FBXL17: variants seen among roughly 807,000 people sequenced by gnomAD.
FBXL17 encodes the protein F-box/LRR-repeat protein 17.
In FBXL17, 22 loss-of-function variants were observed where a neutral mutation model predicts 66.2. The observed-to-expected ratio is 0.33, with a 90% CI of 0.24 to 0.47. The LOEUF is 0.47. FBXL17 is among the 20% of genes least tolerant of loss of function. The pLI, the probability that FBXL17 is intolerant of heterozygous loss-of-function variation, is 1.00. For synonymous variants in FBXL17, 474 were observed against 400.5 expected, an observed-to-expected ratio of 1.18 and a Z score of -2.19; for missense variants, 878 against 948.2, an observed-to-expected ratio of 0.93 and a Z score of 0.97.
At position 108,021,132 on chromosome 5, in the gene FBXL17, T is replaced by C. The variant is rs1185325364; in HGVS notation, c.1746-131A>G. 5.0e-6 allele frequency: 3 copies of C among 597,378 alleles called. No individual in the cohort carries two copies. The African/African-American group carries it at 5.5e-5, about 11-fold the overall frequency. 37.0% of individuals were successfully genotyped at this position (597,378 alleles called of 1,614,324 possible). ...TAATGGTGTTTCAGGAAAGGTATTA[T>C]ATTCCCTGCTTTAAAGTCAAGTGCT... On this transcript the variant is annotated intron_variant, in intron 6 of 8. Coordinates refer to ENST00000542267, the MANE Select transcript of FBXL17 (RefSeq NM_001163315.3).
rs191735158 is a variant in FBXL17, at chr5:108,292,438, G to A, written c.1506+55961C>T. Among the ~76,000 whole-genome samples the A allele has an allele frequency of 1.2e-4, 18 of 152,044 alleles. No individual in the cohort carries two copies. The East Asian group carries it at 3.3e-3, about 28-fold the overall frequency. ...GCCTGGCCCCCCAAAAGCTTTTATA[G>A]TCTGTATCTCTAGTCAGCCTCATGG... On this transcript the variant is annotated intron_variant, in intron 4 of 8. Coordinates refer to ENST00000542267, the MANE Select transcript of FBXL17 (RefSeq NM_001163315.3).
Position 108,054,111 on chromosome 5 carries a change from C to T in FBXL17, c.1746-33110G>A, listed in dbSNP as rs184156233. Among the ~76,000 whole-genome samples, 455 of 151,792 alleles carry T rather than the reference C, an allele frequency of 3.0e-3. 2 individuals are homozygous for T. Among genetic ancestry groups the T allele is most frequent in the Middle Eastern group, 0.01 (3 of 294 alleles). On this transcript the variant is annotated intron_variant, in intron 6 of 8. Coordinates refer to ENST00000542267, the MANE Select transcript of FBXL17 (RefSeq NM_001163315.3). ...GAACAGCACACACCAGGGTCTGTTGCGGGGTGTGGGGAGAGGGGAGGGAAC... is the reference window on the plus strand; with the variant it reads ...GAACAGCACACACCAGGGTCTGTTGTGGGGTGTGGGGAGAGGGGAGGGAAC...
At chr5:107,888,556 G>A (rs1201305737) in intron 7 of FBXL17, among the ~76,000 whole-genome samples, 1 of 152,100 alleles carries the variant, frequency 6.6e-6, no homozygotes, top group Non-Finnish European at 1.5e-5. Context: ...TCATTATCTT[G>A]ACTTCCAATC....
intron 6 of FBXL17, among the ~76,000 whole-genome samples, chr5:108,106,141 A>G (rs1252238664): frequency 4.6e-5 from 7 of 152,328 alleles, no homozygotes; most frequent in African/African-American, 1.7e-4. Context: ...TACCAGAGGT[A>G]CCATCTCCAC....
chr5:107,930,805 G>T (rs1251694122), intron 7 of FBXL17, among the ~76,000 whole-genome samples: 2 of 152,156 alleles, frequency 1.3e-5, no homozygotes, highest in Non-Finnish European at 2.9e-5. Flanking sequence ...TTATGAAGGT[G>T]ACTGATTTAT....
chr5:108,336,208 T>C (rs1444886321), intron 4 of FBXL17, among the ~76,000 whole-genome samples: 1 of 152,190 alleles, frequency 6.6e-6, no homozygotes, highest in Non-Finnish European at 1.5e-5. Flanking sequence ...AAAAAACACT[T>C]GCCAGTGTAA....
intron 6 of FBXL17, among the ~76,000 whole-genome samples, chr5:108,067,181 C>T (rs1203621984): frequency 6.6e-6 from 1 of 151,964 alleles, no homozygotes; most frequent in Non-Finnish European, 1.5e-5. Flanking sequence ...TAGAAGAAAA[C>T]TTGTTATCGT....
At chr5:107,961,103 C>G (rs536884126) in intron 7 of FBXL17, among the ~76,000 whole-genome samples, 1 of 152,272 alleles carries the variant, frequency 6.6e-6, no homozygotes, top group Admixed American at 6.5e-5. Context: ...TGGTGAGAGA[C>G]ACGTCAGGTA....
chr5:108,034,639 C>G (rs1233866020), intron 6 of FBXL17, among the ~76,000 whole-genome samples: 1 of 151,974 alleles, frequency 6.6e-6, no homozygotes, highest in African/African-American at 2.4e-5. Context: ...TAAAAATCTT[C>G]ACTGAAACAT....
chr5:107,918,356 C>T (rs1050524146), intron 7 of FBXL17, among the ~76,000 whole-genome samples: 4 of 152,146 alleles, frequency 2.6e-5, no homozygotes, highest in African/African-American at 9.7e-5. Flanking sequence ...TGGGAACTGG[C>T]AAATCTAGGG....
At chr5:107,885,069 T>C (rs1289107357) in intron 7 of FBXL17, among the ~76,000 whole-genome samples, 1 of 152,198 alleles carries the variant, frequency 6.6e-6, no homozygotes, top group African/African-American at 2.4e-5. Flanking sequence ...CTGATAGGGC[T>C]GTAAATGTAA....
At chr5:108,287,761 T>C (rs1238977938) in intron 4 of FBXL17, among the ~76,000 whole-genome samples, 4 of 152,008 alleles carry the variant, frequency 2.6e-5, no homozygotes, top group African/African-American at 9.7e-5. Flanking sequence ...AATCCCATTG[T>C]TGGGTATATA....
At chr5:108,240,376 C>T (rs553450441) in intron 4 of FBXL17, among the ~76,000 whole-genome samples, 1 of 152,174 alleles carries the variant, frequency 6.6e-6, no homozygotes, top group East Asian at 1.9e-4. Flanking sequence ...CATAAGCTGA[C>T]TAAAGAGCCT....
intron 7 of FBXL17, among the ~76,000 whole-genome samples, chr5:108,008,583 TA>T (rs1271863934): frequency 6.6e-6 from 1 of 152,228 alleles, no homozygotes; most frequent in African/African-American, 2.4e-5. Flanking sequence ...TACTATAATA[TA>T]AATGTGTGTA....
At chr5:108,059,175 T>C (rs967470606) in intron 6 of FBXL17, among the ~76,000 whole-genome samples, 1 of 152,248 alleles carries the variant, frequency 6.6e-6, no homozygotes, top group South Asian at 2.1e-4. Flanking sequence ...AATCTGAGTA[T>C]GGACTGCACT....
chr5:107,947,535 C>T (rs555012328), intron 7 of FBXL17, among the ~76,000 whole-genome samples: 3 of 152,342 alleles, frequency 2.0e-5, no homozygotes, highest in African/African-American at 4.8e-5. Context: ...TTCTCACCTG[C>T]CAAACCTACT....
At chr5:107,929,012 C>A (rs1580720913) in intron 7 of FBXL17, among the ~76,000 whole-genome samples, 1 of 152,058 alleles carries the variant, frequency 6.6e-6, no homozygotes, top group East Asian at 1.9e-4. Context: ...TCTTGCACTG[C>A]CATTTTACCA....
rs35740448 is a variant in FBXL17, at chr5:108,204,601, C to T, written c.1615-18354G>A. Reference sequence around the variant, plus strand: ...GAAGTTACAGCATTTCTAAGGCTTGCCTTTGAACTACATGTAAAAATAACT... The same window carrying T: ...GAAGTTACAGCATTTCTAAGGCTTGTCTTTGAACTACATGTAAAAATAACT... On this transcript the variant is annotated intron_variant, in intron 5 of 8. Coordinates refer to ENST00000542267, the MANE Select transcript of FBXL17 (RefSeq NM_001163315.3). Among the ~76,000 whole-genome samples the T allele has an allele frequency of 7.9e-3, 1,205 of 152,246 alleles. 4 individuals are homozygous for T. The highest frequency in any genetic ancestry group is 0.012 in the East Asian group (61 of 5,182).
At chr5:108,320,278 TA>T (rs999948750) in intron 4 of FBXL17, among the ~76,000 whole-genome samples, 1 of 151,616 alleles carries the variant, frequency 6.6e-6, no homozygotes, top group Non-Finnish European at 1.5e-5. Context: ...GGTATAGCTA[TA>T]AAAAAATAAA....
Sources: allele counts gnomAD v4.1 joint callset (sites outside exome capture counted in the v4.1 genomes callset), GRCh38; gene constraint gnomAD v4.1.1; transcripts MANE v1.5; gene names NCBI Gene and HGNC (gene_info 2026-07-23, HGNC 2026-07-21).